DEPTOR: variants seen among roughly 807,000 people sequenced by gnomAD.
The protein encoded by DEPTOR is DEP domain-containing mTOR-interacting protein.
DEPTOR carries 41 observed loss-of-function variants against 41.6 expected under a neutral mutation model. The observed-to-expected ratio is 0.98, with a 90% CI of 0.77 to 1.28. The LOEUF (loss-of-function observed/expected upper bound fraction) is 1.28. Ranked by LOEUF, DEPTOR falls within the 50% of genes most tolerant of loss-of-function variation. DEPTOR has a pLI of 0.00. For missense variants in DEPTOR, 514 were observed against 527.9 expected, an observed-to-expected ratio of 0.97 and a Z score of 0.26; for synonymous variants, 195 against 192.3, an observed-to-expected ratio of 1.01 and a Z score of -0.12.
At chr8:119,991,913 CTG>C (rs1304366610) in intron 4 of DEPTOR, among the ~76,000 whole-genome samples, 1 of 152,186 alleles carries the variant, frequency 6.6e-6, no homozygotes, top group African/African-American at 2.4e-5. Flanking sequence ...CTCTGTCAGA[CTG>C]TGATCTAGCA....
intron 8 of DEPTOR, among the ~76,000 whole-genome samples, chr8:120,028,619 C>T (rs1463586112): frequency 1.3e-5 from 2 of 151,640 alleles, no homozygotes; most frequent in Non-Finnish European, 2.9e-5. Flanking sequence ...TGCCACCACA[C>T]CCAGCTCATT....
chr8:119,902,099 C>T (rs1200311038), intron 1 of DEPTOR, among the ~76,000 whole-genome samples: 1 of 152,074 alleles, frequency 6.6e-6, no homozygotes, highest in Non-Finnish European at 1.5e-5. Context: ...ATCCTATGAG[C>T]AGAGAGGAAC....
At chr8:119,939,499 C>A (rs919535259) in intron 3 of DEPTOR, among the ~76,000 whole-genome samples, 3 of 152,048 alleles carry the variant, frequency 2.0e-5, no homozygotes, top group African/African-American at 7.2e-5. Flanking sequence ...TGGCTTTTTT[C>A]GTTTTTGAGC....
chr8:120,018,096 G>A (rs963004229), intron 8 of DEPTOR, among the ~76,000 whole-genome samples: 1 of 152,060 alleles, frequency 6.6e-6, no homozygotes, highest in Non-Finnish European at 1.5e-5. Flanking sequence ...CCCTCTGATG[G>A]CAACATAACT....
At chr8:119,980,570 T>A (rs1457750489) in intron 4 of DEPTOR, among the ~76,000 whole-genome samples, 1 of 150,208 alleles carries the variant, frequency 6.7e-6, no homozygotes, top group Non-Finnish European at 1.5e-5. Flanking sequence ...CAGGCTGGAG[T>A]GCAATGGTAC....
chr8:119,916,195 G>A (rs1375238432), intron 1 of DEPTOR, among the ~76,000 whole-genome samples: 1 of 151,650 alleles, frequency 6.6e-6, no homozygotes, highest in African/African-American at 2.4e-5. Context: ...CACCTTCTGG[G>A]TTCAAGTGAT....
chr8:119,983,948 G>T (rs188401985), intron 4 of DEPTOR, among the ~76,000 whole-genome samples: 1 of 152,194 alleles, frequency 6.6e-6, no homozygotes, highest in Non-Finnish European at 1.5e-5. Flanking sequence ...AAATTACTGT[G>T]CAGTAAAGCA....
intron 4 of DEPTOR, among the ~76,000 whole-genome samples, chr8:119,972,066 G>C (rs1828640402): frequency 6.6e-6 from 1 of 152,162 alleles, no homozygotes; most frequent in Non-Finnish European, 1.5e-5. Flanking sequence ...CTTCCGTATT[G>C]GGGCTGCTAT....
Position 119,914,623 on chromosome 8 carries a change from A to G in DEPTOR, c.123-13777A>G, listed in dbSNP as rs146971430. ...CCAGGCTAATTTTTGTACTTTTAGTAGAGACGGGGTTTCACCATGTTGGCC... is the reference window on the plus strand; with the variant it reads ...CCAGGCTAATTTTTGTACTTTTAGTGGAGACGGGGTTTCACCATGTTGGCC... On this transcript the variant is annotated intron_variant, in intron 1 of 8. Coordinates refer to ENST00000286234, the MANE Select transcript of DEPTOR (RefSeq NM_022783.4). Among the ~76,000 whole-genome samples, 500 of 151,868 alleles carry G rather than the reference A, an allele frequency of 3.3e-3. 4 individuals are homozygous for G. Among genetic ancestry groups the G allele is most frequent in the African/African-American group, 0.011 (470 of 41,406 alleles).
At position 120,001,701 on chromosome 8, in the gene DEPTOR, T is replaced by G. The variant is rs1411282613; in HGVS notation, c.781T>G (p.Phe261Val). ...CCATGACAATCGGAAATCTACCAGC[T>G]TTATGTCAGGTATGCCATCCCGGCA... Reference protein sequence around the residue: ...QSHDNRKSTSFMSVSPSKEIK... With the variant: ...QSHDNRKSTSVMSVSPSKEIK... The change falls in exon 5 of 9, where the codon TTT becomes GTT. Residue 261 changes from phenylalanine (F) to valine (V), a missense_variant. By Grantham distance (50) the Phe-to-Val change is conservative. Coordinates refer to ENST00000286234, the MANE Select transcript of DEPTOR (RefSeq NM_022783.4). 1.2e-6 allele frequency: 2 copies of G among 1,611,126 alleles called. No individual in the cohort carries two copies. Among genetic ancestry groups the G allele is most frequent in the Admixed American group, 3.3e-5 (2 of 59,836 alleles).
rs142835879 is a variant in DEPTOR, at chr8:119,935,333, A to G, written c.425+5395A>G. Among the ~76,000 whole-genome samples the G allele has an allele frequency of 9.2e-5, 14 of 152,250 alleles. No homozygotes were observed. The East Asian group carries it at 2.5e-3, about 27-fold the overall frequency. ...ATAGTACTCATAACTTAAAAGAACAATGTTGAATCTCTATCCGCGGCCTTA... is the reference window on the plus strand; with the variant it reads ...ATAGTACTCATAACTTAAAAGAACAGTGTTGAATCTCTATCCGCGGCCTTA... On this transcript the variant is annotated intron_variant, in intron 3 of 8. Transcript: ENST00000286234.
At chr8:120,030,850 C>T (rs1252493844) in intron 8 of DEPTOR, among the ~76,000 whole-genome samples, 2 of 151,882 alleles carry the variant, frequency 1.3e-5, no homozygotes, top group Non-Finnish European at 2.9e-5. Context: ...GGCTAGAGTG[C>T]AGTGGCTTGA....
At chr8:119,965,996 C>T (rs1828553612) in intron 4 of DEPTOR, among the ~76,000 whole-genome samples, 2 of 152,134 alleles carry the variant, frequency 1.3e-5, no homozygotes, top group Non-Finnish European at 2.9e-5. Flanking sequence ...TGTATTTAAC[C>T]AACCATGAAT....
intron 1 of DEPTOR, 199 bp downstream of exon 1, chr8:119,874,167 C>CG: frequency 1.2e-6 from 1 of 826,196 alleles, no homozygotes; most frequent in Non-Finnish European, 1.8e-6. Flanking sequence ...GCTCGCCAAG[C>CG]GGGGCTGCCT....
Position 119,929,701 on chromosome 8 carries a change from T to A in DEPTOR, c.302-114T>A, listed in dbSNP as rs1828015454. 3 of 1,381,286 alleles carry A rather than the reference T, an allele frequency of 2.2e-6. No homozygotes were observed. In the Admixed American group the frequency reaches 6.5e-5, roughly 30 times the overall value. The allele number at this position is 1,381,286 out of a possible 1,614,324, so 85.6% of individuals were successfully genotyped here. On this transcript the variant is annotated intron_variant, in intron 2 of 8. Coordinates refer to ENST00000286234, the MANE Select transcript of DEPTOR (RefSeq NM_022783.4). ...TTAGCTCATATGGTACATATTTGCA[T>A]GCATGAAGAATGTGATAGTGAAATA...
intron 1 of DEPTOR, chr8:119,874,305 C>G (rs13263296): frequency 9.1e-6 from 3 of 331,066 alleles, no homozygotes; most frequent in Admixed American, 5.5e-5. Context: ...CGCCAGGCCT[C>G]CCGGCTGACA....
intron 1 of DEPTOR, among the ~76,000 whole-genome samples, chr8:119,875,196 G>C (rs1300254333): frequency 6.6e-6 from 1 of 152,102 alleles, no homozygotes; most frequent in Non-Finnish European, 1.5e-5. Flanking sequence ...CGCGGTGCCC[G>C]TGTGAAGAGA....
At chr8:119,920,936 T>C (rs1205360465) in intron 1 of DEPTOR, among the ~76,000 whole-genome samples, 1 of 151,938 alleles carries the variant, frequency 6.6e-6, no homozygotes, top group Non-Finnish European at 1.5e-5. Flanking sequence ...CACTCCCCTC[T>C]CCTTCCTAAT....
chr8:120,002,787 A>AT (rs1378218087), intron 5 of DEPTOR, among the ~76,000 whole-genome samples, 190 bp from the exon 6 acceptor site: 1 of 60,488 alleles, frequency 1.7e-5, no homozygotes, highest in African/African-American at 7.7e-5. Context: ...AAAAAAAAAA[A>AT]AAAAATATAT....
Sources: gnomAD v4.1 joint callset for allele counts (sites outside exome capture counted in the v4.1 genomes callset) on GRCh38, gnomAD v4.1.1 for gene constraint, MANE v1.5 for transcripts, NCBI Gene and HGNC (gene_info 2026-07-23, HGNC 2026-07-21) for gene names.